Variants in RAB19 observed in about 807,000 individuals in gnomAD.
The protein encoded by RAB19 is ras-related protein Rab-19.
Under a neutral mutation model 17.3 loss-of-function variants are expected in RAB19, and 21 were observed. That is an observed-to-expected ratio of 1.21 (90% confidence interval 0.86 to 1.74). The LOEUF is 1.74. Among genes scored for constraint, RAB19 ranks in the 40% most tolerant of loss-of-function variants. The pLI is 0.00. For synonymous variants in RAB19, 126 were observed against 110.4 expected (o/e 1.14, Z -0.88); for missense variants, 277 against 286.8 (o/e 0.97, Z 0.25).
At chr7:140,410,343 G>C (rs989358611) in intron 2 of RAB19, among the ~76,000 whole-genome samples, 14 of 98,038 alleles carry the variant, frequency 1.4e-4, no homozygotes, top group Non-Finnish European at 2.7e-4. Context: ...TTTTTGAGAC[G>C]GAGTCTCGCC....
intron 3 of RAB19, among the ~76,000 whole-genome samples, chr7:140,419,612 C>A (rs1275767220): frequency 6.6e-6 from 1 of 152,168 alleles, no homozygotes; most frequent in East Asian, 1.9e-4. Context: ...CTGCTCCGAA[C>A]ATTCTGGTAT....
At position 140,426,203 on chromosome 7, in the gene RAB19, G is replaced by C; in HGVS notation, c.*53G>C. Reference sequence around the variant, plus strand: ...CAAAGAGGCCGCCTCTGAAACCAAAGGTAGCCAGGATACCGTAGTGTTGCC... The same window carrying C: ...CAAAGAGGCCGCCTCTGAAACCAAACGTAGCCAGGATACCGTAGTGTTGCC... On this transcript the variant is annotated 3_prime_UTR_variant, in exon 4 of 4. Coordinates refer to ENST00000537763, the MANE Select transcript of RAB19 (RefSeq NM_001008749.3). The C allele has an allele frequency of 1.3e-6, 2 of 1,582,012 alleles. No homozygotes were observed. The highest frequency in any genetic ancestry group is 1.7e-6 in the Non-Finnish European group (2 of 1,164,556).
In RAB19 at chr7:140,423,998, C is replaced by T. The variant is rs1250730756; in HGVS notation, c.386-1884C>T. On this transcript the variant is annotated intron_variant, in intron 3 of 3. Transcript: ENST00000537763. ...CCTCCTGAGTAGCTGGGATTACAGG[C>T]GCGTGCCACCATACCCAGCTAATTT... is the stretch of plus-strand genomic sequence containing the variant. Among the ~76,000 whole-genome samples, 8 of 151,712 alleles carry T rather than the reference C, an allele frequency of 5.3e-5. No homozygotes were observed. The East Asian group carries it at 9.7e-4, about 18-fold the overall frequency.
rs1021826847 is a variant in RAB19, at chr7:140,406,076, C to T, written c.-23-1548C>T. Reference sequence around the variant, plus strand: ...TGGCCAACATGGCAAAACCCTGTATCGACTAAAAATACAAAAATTAGCCAG... The same window carrying T: ...TGGCCAACATGGCAAAACCCTGTATTGACTAAAAATACAAAAATTAGCCAG... On this transcript the variant is annotated intron_variant, in intron 1 of 3. Coordinates refer to ENST00000537763, the MANE Select transcript of RAB19 (RefSeq NM_001008749.3). 6.6e-5 allele frequency among the ~76,000 whole-genome samples: 10 copies of T among 151,850 alleles called. No homozygotes were observed. The South Asian group carries it at 1.7e-3, about 25-fold the overall frequency.
At chr7:140,424,935 C>T (rs929384554) in intron 3 of RAB19, among the ~76,000 whole-genome samples, 1 of 151,892 alleles carries the variant, frequency 6.6e-6, no homozygotes, top group Non-Finnish European at 1.5e-5. Context: ...TCTTTAGATT[C>T]CTGCCTCAGG....
intron 1 of RAB19, among the ~76,000 whole-genome samples, chr7:140,404,585 A>C (rs1441959243): frequency 6.6e-6 from 1 of 152,068 alleles, no homozygotes; most frequent in Non-Finnish European, 1.5e-5. Flanking sequence ...TTTTGCATGC[A>C]GATTGGACAT....
In RAB19 at chr7:140,427,452, CTTTTT is replaced by C. The variant is rs35384452; in HGVS notation, c.*1314_*1318del. Among the ~76,000 whole-genome samples the C allele has an allele frequency of 1.6e-5, 2 of 121,652 alleles. No individual in the cohort carries two copies. Among genetic ancestry groups the C allele is most frequent in the Non-Finnish European group, 3.3e-5 (2 of 59,722 alleles). 79.8% of individuals were successfully genotyped at this position (121,652 alleles called of 152,430 possible). ...CAGGCATGAGCCACCATGCCCGGCC[CTTTTT>C]TTTTTTTTTTTGAGACAGAGTTTCG... On this transcript the variant is annotated 3_prime_UTR_variant, in exon 4 of 4. Coordinates refer to ENST00000537763, the MANE Select transcript of RAB19 (RefSeq NM_001008749.3).
intron 3 of RAB19, among the ~76,000 whole-genome samples, chr7:140,422,968 CATG>C (rs1017232094): frequency 2.6e-5 from 4 of 151,684 alleles, no homozygotes; most frequent in Non-Finnish European, 1.5e-5. Context: ...ATTAGCCAGG[CATG>C]GTGGTGTATG....
chr7:140,412,461 A>G (rs555750119), intron 3 of RAB19, among the ~76,000 whole-genome samples: 2 of 151,972 alleles, frequency 1.3e-5, no homozygotes, highest in East Asian at 3.9e-4. Flanking sequence ...GGGGGAAAAA[A>G]AATGTGTAAG....
chr7:140,426,195 A>T lies in RAB19; in HGVS notation c.*45A>T. On this transcript the variant is annotated 3_prime_UTR_variant, in exon 4 of 4. Coordinates refer to ENST00000537763, the MANE Select transcript of RAB19 (RefSeq NM_001008749.3). Reference sequence around the variant, plus strand: ...GCACCCACCAAAGAGGCCGCCTCTGAAACCAAAGGTAGCCAGGATACCGTA... The same window carrying T: ...GCACCCACCAAAGAGGCCGCCTCTGTAACCAAAGGTAGCCAGGATACCGTA... The T allele has an allele frequency of 6.3e-7, 1 of 1,587,806 alleles. No individual in the cohort carries two copies. Among genetic ancestry groups the T allele is most frequent in the Non-Finnish European group, 8.6e-7 (1 of 1,167,292 alleles).
Position 140,426,058 on chromosome 7 carries a change from T to C in RAB19, c.562T>C (p.Tyr188His), listed in dbSNP as rs144022880. The change falls in exon 4 of 4, where the codon TAT becomes CAT. Residue 188 changes from tyrosine to histidine, a missense_variant. Physicochemically the swap from Tyr to His is moderately conservative, Grantham distance 83 (BLOSUM62 2). Transcript: ENST00000537763. ...GATCGCGCGCAACAGCCTGCACCTA[T>C]ATGGGGAGAGTGCCCTGAACGGCCT... ...ELIARNSLHL[Y>H]GESALNGLPL... 5.6e-6 allele frequency: 9 copies of C among 1,614,126 alleles called. No homozygotes were observed. The Admixed American group carries it at 6.7e-5, about 12-fold the overall frequency.
intron 3 of RAB19, among the ~76,000 whole-genome samples, chr7:140,418,694 A>G (rs1799506279): frequency 6.6e-6 from 1 of 151,894 alleles, no homozygotes; most frequent in Non-Finnish European, 1.5e-5. Context: ...CCCGATCTCT[A>G]CAAAAAAATT....
intron 3 of RAB19, among the ~76,000 whole-genome samples, chr7:140,423,852 T>A (rs967481840): frequency 6.6e-6 from 1 of 151,952 alleles, no homozygotes; most frequent in African/African-American, 2.4e-5. Context: ...GACAAGAAAC[T>A]TTTTTTTCCT....
intron 2 of RAB19, 199 bp from the exon 3 acceptor site, chr7:140,411,675 T>C (rs1799364512): frequency 7.7e-7 from 1 of 1,299,782 alleles, no homozygotes; most frequent in Non-Finnish European, 1.0e-6. Flanking sequence ...TAGATGGTCG[T>C]TCCCCAACCA....
intron 3 of RAB19, among the ~76,000 whole-genome samples, chr7:140,422,736 G>T (rs116542957): frequency 6.6e-6 from 1 of 152,010 alleles, no homozygotes; most frequent in South Asian, 2.1e-4. Flanking sequence ...AGCCTAGAAC[G>T]TTAACGCTGC....
chr7:140,411,531 G>A (rs1799361249), intron 2 of RAB19, among the ~76,000 whole-genome samples: 1 of 129,124 alleles, frequency 7.7e-6, no homozygotes, highest in Non-Finnish European at 1.7e-5. Context: ...AATGATACCT[G>A]ATGAGCTAAA....
chr7:140,407,058 T>G (rs2130082596), intron 1 of RAB19, among the ~76,000 whole-genome samples: 1 of 152,304 alleles, frequency 6.6e-6, no homozygotes, highest in East Asian at 1.9e-4. Flanking sequence ...GCTAACTTTG[T>G]ATTTTTAGTA....
chr7:140,424,633 A>ATGTG (rs1392281516), intron 3 of RAB19, among the ~76,000 whole-genome samples: 5 of 132,666 alleles, frequency 3.8e-5, no homozygotes, highest in African/African-American at 1.3e-4. Flanking sequence ...ATATATATAT[A>ATGTG]TATATATGTG....
Position 140,426,042 on chromosome 7 carries a change from C to T in RAB19, c.546C>T (p.Arg182=). The change falls in exon 4 of 4, where the codon CGC becomes CGT. Residue 182 remains arginine (R), a synonymous_variant. Transcript: ENST00000537763. Reference sequence around the variant, plus strand: ...TCATGGCCAAGGAGCTGATCGCGCGCAACAGCCTGCACCTATATGGGGAGA... The same window carrying T: ...TCATGGCCAAGGAGCTGATCGCGCGTAACAGCCTGCACCTATATGGGGAGA... ...FVLMAKELIA[R]NSLHLYGESA... is the part of the protein sequence containing the mutation. The T allele has an allele frequency of 1.9e-6, 3 of 1,614,178 alleles. No individual in the cohort carries two copies. The highest frequency in any genetic ancestry group is 2.5e-6 in the Non-Finnish European group (3 of 1,180,028).
Sources: gnomAD v4.1 joint callset for allele counts (sites outside exome capture counted in the v4.1 genomes callset) on GRCh38, gnomAD v4.1.1 for gene constraint, MANE v1.5 for transcripts, NCBI Gene and HGNC (gene_info 2026-07-23, HGNC 2026-07-21) for gene names.